The following KCNJ16 variants were observed in gnomAD, a reference collection of about 807,000 sequenced individuals.
The protein encoded by KCNJ16 is potassium inwardly rectifying channel subfamily J member 16, also known as inward rectifier potassium channel 16.
In KCNJ16, 15 loss-of-function variants were observed where a neutral mutation model predicts 18.5. The ratio of observed to expected loss-of-function variants is 0.81; its 90% CI spans 0.54 to 1.25. The LOEUF (loss-of-function observed/expected upper bound fraction) is 1.25. Ranked by LOEUF, KCNJ16 falls within the 50% of genes most tolerant of loss-of-function variation. The pLI is 0.00. For missense variants in KCNJ16, 523 were observed against 525.7 expected (o/e 0.99, Z 0.05); for synonymous variants, 174 against 186.5 (o/e 0.93, Z 0.55).
intron 1 of KCNJ16, among the ~76,000 whole-genome samples, chr17:70,098,810 T>C (rs1218393245): frequency 6.6e-6 from 1 of 152,180 alleles, no homozygotes; most frequent in Non-Finnish European, 1.5e-5. Context: ...TTGAACAGAA[T>C]CTGGACTGAT....
chr17:70,076,083 T>A (rs1450057477), intron 1 of KCNJ16, among the ~76,000 whole-genome samples: 1 of 152,162 alleles, frequency 6.6e-6, no homozygotes, highest in African/African-American at 2.4e-5. Flanking sequence ...CTGACATATA[T>A]AATTGAACAG....
chr17:70,081,141 T>C (rs1462056804), intron 1 of KCNJ16, among the ~76,000 whole-genome samples: 2 of 152,360 alleles, frequency 1.3e-5, no homozygotes, highest in East Asian at 3.9e-4. Context: ...TGATGAGTTA[T>C]GCACCAGGAT....
chr17:70,128,730 A>G (rs1159409478), intron 2 of KCNJ16: 1 of 152,240 alleles, frequency 6.6e-6, no homozygotes, highest in Non-Finnish European at 1.5e-5. Flanking sequence ...AAAAAATAAA[A>G]GTTTAAACCA....
At chr17:70,078,506 AAACAAATATTCAG>A (rs1291816016) in intron 1 of KCNJ16, among the ~76,000 whole-genome samples, 1 of 152,216 alleles carries the variant, frequency 6.6e-6, no homozygotes, top group Non-Finnish European at 1.5e-5. Flanking sequence ...TTTAACTGAG[AAACAAATATTCAG>A]TTATCTTTTT....
chr17:70,087,162 C>T (rs1355349331), intron 1 of KCNJ16, among the ~76,000 whole-genome samples: 1 of 151,756 alleles, frequency 6.6e-6, no homozygotes, highest in Non-Finnish European at 1.5e-5. Flanking sequence ...CCTGCTTCGG[C>T]CTCCCAAAGA....
chr17:70,090,048 A>AT (rs1347803473), intron 1 of KCNJ16, among the ~76,000 whole-genome samples: 1 of 152,184 alleles, frequency 6.6e-6, no homozygotes, highest in African/African-American at 2.4e-5. Context: ...CCAAGCATTA[A>AT]TTTTTTTAGC....
intron 1 of KCNJ16, among the ~76,000 whole-genome samples, chr17:70,083,576 T>C (rs866767688): frequency 2.5e-4 from 38 of 152,254 alleles, no homozygotes; most frequent in African/African-American, 9.1e-4. Flanking sequence ...TACAGGCTTG[T>C]AGCTTAGGAG....
In KCNJ16 at chr17:70,134,704, C is replaced by T. The variant is rs953212757; in HGVS notation, c.*1360C>T. 6.0e-6 allele frequency: 1 copy of T among 166,948 alleles called. No individual in the cohort carries two copies. The allele number at this position is 166,948 out of a possible 1,614,324, so 10.3% of individuals were successfully genotyped here. A position where few individuals can be genotyped will look rare whatever the true frequency, so the allele number is the denominator to read the frequency against. ...TTGTTTTTGTTTTACATTGTTGCTG[C>T]ACTGGCAATAAGTATGTGGCACTGT... On this transcript the variant is annotated 3_prime_UTR_variant, in exon 4 of 4. Transcript: ENST00000392671.
Position 70,133,272 on chromosome 17 carries a change from T to C in KCNJ16, c.1185T>C (p.His395=). 6.2e-7 allele frequency: 1 copy of C among 1,614,062 alleles called. No homozygotes were observed. Among genetic ancestry groups the C allele is most frequent in the Non-Finnish European group, 8.5e-7 (1 of 1,179,968 alleles). Reference sequence around the variant, plus strand: ...AGGAGACCACCACTTCCGCCACACATGAATATAGGGAAACACCTTATCAGA... The same window carrying C: ...AGGAGACCACCACTTCCGCCACACACGAATATAGGGAAACACCTTATCAGA... ...NPEETTTSAT[H]EYRETPYQKA... The change falls in exon 4 of 4, where the codon CAT becomes CAC. Residue 395 remains histidine (H), a synonymous_variant. Transcript: ENST00000392671.
chr17:70,132,104 G>A lies in KCNJ16; in HGVS notation c.17G>A (p.Ser6Asn). 6.2e-7 allele frequency: 1 copy of A among 1,614,192 alleles called. No homozygotes were observed. Among genetic ancestry groups the A allele is most frequent in the Non-Finnish European group, 8.5e-7 (1 of 1,180,036 alleles). Residue 6 changes from serine to asparagine, a missense_variant, in exon 4 of 4, where the codon AGC (serine) becomes AAC (asparagine). By Grantham distance (46) the Ser-to-Asn change is conservative. Transcript: ENST00000392671. MSYYG[S>N]SYHIINADAK... is the part of the protein sequence containing the mutation. ...CAGCAAAGAATGAGCTATTACGGCA[G>A]CAGCTATCATATTATCAATGCGGAC...
At chr17:70,090,632 A>G (rs1360451872) in intron 1 of KCNJ16, among the ~76,000 whole-genome samples, 1 of 152,108 alleles carries the variant, frequency 6.6e-6, no homozygotes, top group Non-Finnish European at 1.5e-5. Context: ...GTTAGCAGGG[A>G]TATATGAAAT....
rs552330083 is a variant in KCNJ16 at position 70,107,688 on chromosome 17, T to TA, written c.-191+6932dup. Among the ~76,000 whole-genome samples, 23 of 146,256 alleles carry TA rather than the reference T, an allele frequency of 1.6e-4. No homozygotes were observed. In the East Asian group the frequency reaches 1.7e-3, roughly 11 times the overall value. ...TGACAAATATGGCTCACAATTTTTT[T>TA]AAAAAAAAAATTAGAAGACTCAAGT... On this transcript the variant is annotated intron_variant, in intron 2 of 3. Transcript: ENST00000392671.
chr17:70,117,245 A>G (rs1283214111), intron 2 of KCNJ16, among the ~76,000 whole-genome samples: 1 of 152,214 alleles, frequency 6.6e-6, no homozygotes, highest in East Asian at 1.9e-4. Context: ...AGTGGAAGCT[A>G]AACATTGGAT....
At chr17:70,096,764 G>T (rs1372211946) in intron 1 of KCNJ16, 2 of 386,050 alleles carry the variant, frequency 5.2e-6, no homozygotes, top group African/African-American at 4.1e-5. Flanking sequence ...CTCAGAGCGA[G>T]CGTGAATGGA....
At chr17:70,131,330 A>T (rs1345329627) in intron 3 of KCNJ16, 1 of 1,065,970 alleles carries the variant, frequency 9.4e-7, no homozygotes, top group African/African-American at 1.7e-5. Context: ...AGAAAGATGC[A>T]TTTTTTTTTC....
intron 1 of KCNJ16, among the ~76,000 whole-genome samples, chr17:70,080,089 T>A (rs986793460): frequency 6.6e-6 from 1 of 152,158 alleles, no homozygotes; most frequent in African/African-American, 2.4e-5. Flanking sequence ...AAAGAGTAAG[T>A]TATTTCTGAG....
chr17:70,082,609 C>T (rs1477853732), intron 1 of KCNJ16, among the ~76,000 whole-genome samples: 1 of 152,126 alleles, frequency 6.6e-6, no homozygotes, highest in African/African-American at 2.4e-5. Context: ...ACAACTAACA[C>T]CAAAAACATG....
chr17:70,090,298 C>T (rs2072025484), intron 1 of KCNJ16, among the ~76,000 whole-genome samples: 1 of 152,096 alleles, frequency 6.6e-6, no homozygotes, highest in Admixed American at 6.5e-5. Context: ...GAAAAGCTGA[C>T]CTAAAAACAC....
intron 2 of KCNJ16, among the ~76,000 whole-genome samples, chr17:70,113,618 A>G (rs1472774030): frequency 6.6e-6 from 1 of 152,180 alleles, no homozygotes; most frequent in African/African-American, 2.4e-5. Context: ...CCCCAAACTC[A>G]GTTCTTAGTT....
Sources: gnomAD v4.1 joint callset for allele counts (sites outside exome capture counted in the v4.1 genomes callset) on GRCh38, gnomAD v4.1.1 for gene constraint, MANE v1.5 for transcripts, NCBI Gene and HGNC (gene_info 2026-07-23, HGNC 2026-07-21) for gene names.